Variants in OSBP2 observed in about 807,000 individuals in gnomAD.
OSBP2 encodes oxysterol binding protein 2, also known as oxysterol-binding protein 2.
OSBP2 carries 66 observed loss-of-function variants against 96.0 expected under a neutral mutation model. The observed-to-expected ratio is 0.69, with a 90% CI of 0.56 to 0.84. The LOEUF (loss-of-function observed/expected upper bound fraction) is 0.84, where lower values mean the gene tolerates loss of function less well. Ranked by LOEUF, OSBP2 falls within the 40% of genes least tolerant of loss-of-function variation. The pLI is 0.00. For synonymous variants in OSBP2, 525 were observed against 520.9 expected, an observed-to-expected ratio of 1.01 and a Z score of -0.11; for missense variants, 1,038 against 1,222.7, an observed-to-expected ratio of 0.85 and a Z score of 2.25.
chr22:30,699,133 CA>C (rs1414076349), intron 1 of OSBP2, among the ~76,000 whole-genome samples: 2 of 151,878 alleles, frequency 1.3e-5, no homozygotes, highest in African/African-American at 4.8e-5. Flanking sequence ...TTAGTAGACA[CA>C]AGGTTTCGTT....
intron 2 of OSBP2, among the ~76,000 whole-genome samples, chr22:30,775,041 A>G (rs1252604753): frequency 6.6e-6 from 1 of 152,122 alleles, no homozygotes; most frequent in African/African-American, 2.4e-5. Context: ...CCCCATTATT[A>G]CTATTTTAAT....
intron 8 of OSBP2, among the ~76,000 whole-genome samples, chr22:30,892,622 G>A (rs571669375): frequency 3.9e-5 from 6 of 152,244 alleles, no homozygotes; most frequent in Admixed American, 1.3e-4. Context: ...GGCCGGGCCC[G>A]GGGCAGTGCA....
intron 2 of OSBP2, among the ~76,000 whole-genome samples, chr22:30,809,274 C>A (rs1305423125): frequency 6.6e-6 from 1 of 152,194 alleles, no homozygotes; most frequent in African/African-American, 2.4e-5. Flanking sequence ...GACTCCTTCC[C>A]AGCCCAGGTG....
intron 1 of OSBP2, among the ~76,000 whole-genome samples, chr22:30,731,809 T>C (rs1336405893): frequency 6.6e-6 from 1 of 152,058 alleles, no homozygotes; most frequent in Non-Finnish European, 1.5e-5. Flanking sequence ...AGCAAGAAGG[T>C]TGTGAAACAA....
At chr22:30,794,262 A>AT (rs136291) in intron 2 of OSBP2, among the ~76,000 whole-genome samples, 23,768 of 134,854 alleles carry the variant, frequency 0.18, 2,126 homozygotes, top group East Asian at 0.21. Flanking sequence ...TCCTCTATTC[A>AT]TTTTTTTTTT....
chr22:30,819,827 C>T (rs913052585), intron 2 of OSBP2, among the ~76,000 whole-genome samples: 2 of 152,126 alleles, frequency 1.3e-5, no homozygotes, highest in Admixed American at 6.6e-5. Context: ...AGTGAATAGA[C>T]AGTGGGGCTA....
intron 1 of OSBP2, among the ~76,000 whole-genome samples, chr22:30,711,738 T>G (rs1410064524): frequency 2.2e-5 from 2 of 90,630 alleles, no homozygotes; most frequent in Non-Finnish European, 4.5e-5. Context: ...AGACCCTATC[T>G]CAAAAAAAAA....
intron 2 of OSBP2, among the ~76,000 whole-genome samples, chr22:30,861,718 C>A (rs954437173): frequency 6.6e-6 from 1 of 152,080 alleles, no homozygotes; most frequent in Non-Finnish European, 1.5e-5. Context: ...TGTGGCAGAA[C>A]CCCCACAGGG....
rs936373218 is a variant in OSBP2 at position 30,905,715 on chromosome 22, A to G, written c.2376-122A>G. The G allele has an allele frequency of 2.8e-6, 4 of 1,415,680 alleles. No individual in the cohort carries two copies. The African/African-American group carries it at 5.9e-5, about 21-fold the overall frequency. The allele number at this position is 1,415,680 out of a possible 1,614,324, so 87.7% of individuals were successfully genotyped here. ...GGCCCAAGGCCAGAGGGAGTCCTGG[A>G]CGCGGGGAGCTGGAGGGTGAGGCGA... On this transcript the variant is annotated intron_variant, in intron 12 of 13. Coordinates refer to ENST00000332585, the MANE Select transcript of OSBP2 (RefSeq NM_030758.4).
At chr22:30,730,721 T>A (rs1398489596) in intron 1 of OSBP2, among the ~76,000 whole-genome samples, 268 of 11,870 alleles carry the variant, frequency 0.023, no homozygotes, top group African/African-American at 0.069. Context: ...GCCCTGTCTC[T>A]CTCTCTCTCT....
intron 2 of OSBP2, among the ~76,000 whole-genome samples, chr22:30,847,441 C>T (rs1053421103): frequency 3.9e-5 from 6 of 151,976 alleles, no homozygotes; most frequent in African/African-American, 1.5e-4. Context: ...ACCACCACGC[C>T]TGGCTAATTT....
At chr22:30,819,478 G>T (rs1472094661) in intron 2 of OSBP2, among the ~76,000 whole-genome samples, 1 of 152,216 alleles carries the variant, frequency 6.6e-6, no homozygotes, top group Non-Finnish European at 1.5e-5. Context: ...GTCATCTTAG[G>T]CTCAGTCTCT....
intron 2 of OSBP2, among the ~76,000 whole-genome samples, chr22:30,749,521 A>G (rs1212600157): frequency 6.6e-6 from 1 of 152,182 alleles, no homozygotes; most frequent in Non-Finnish European, 1.5e-5. Flanking sequence ...ATTTGGCCGG[A>G]GAAAGGAAGA....
intron 2 of OSBP2, among the ~76,000 whole-genome samples, chr22:30,832,111 C>T (rs770229303): frequency 6.6e-6 from 1 of 152,028 alleles, no homozygotes; most frequent in Non-Finnish European, 1.5e-5. Flanking sequence ...CCAGTATGAG[C>T]CTTCATCTTT....
chr22:30,877,450 C>T (rs567743047), intron 3 of OSBP2, among the ~76,000 whole-genome samples: 8 of 152,292 alleles, frequency 5.3e-5, no homozygotes, highest in Admixed American at 3.3e-4. Flanking sequence ...CTCATAGCAG[C>T]GTCCTCCCTG....
rs955232660 is a variant in OSBP2, at chr22:30,907,126, AG to A, written c.*790del. 1.3e-5 allele frequency: 2 copies of A among 152,690 alleles called. No individual in the cohort carries two copies. Among genetic ancestry groups the A allele is most frequent in the Non-Finnish European group, 2.9e-5 (2 of 68,098 alleles). 9.5% of individuals were successfully genotyped at this position (152,690 alleles called of 1,614,324 possible). ...GCTCCCTAGCCCCAAGAGGCCAGGA[AG>A]GGCTGGAAGGCAGGGCCTGCAGGTG... On this transcript the variant is annotated 3_prime_UTR_variant, in exon 14 of 14. Coordinates refer to ENST00000332585, the MANE Select transcript of OSBP2 (RefSeq NM_030758.4).
Position 30,870,628 on chromosome 22 carries a change from G to A in OSBP2, c.1053G>A (p.Lys351=), listed in dbSNP as rs768238887. Residue 351 remains lysine (K), a synonymous_variant, in exon 3 of 14, where the codon AAG becomes AAA. Transcript: ENST00000332585. This position sits in a 1 kb window ranked among gnomAD's most constrained non-coding sequence, Gnocchi z 4.1. ...CATCTGAGAGTGGGGAGAAGCTGAA[G>A]GTGGTGAATGAGCGGGCCACCCTCT... The part of the protein sequence containing the change: ...KIPSESGEKL[K]VVNERATLFR... 2.5e-6 allele frequency: 4 copies of A among 1,614,052 alleles called. No homozygotes were observed. In the South Asian group the frequency reaches 4.4e-5, roughly 18 times the overall value.
At chr22:30,849,092 C>G (rs2038927146) in intron 2 of OSBP2, among the ~76,000 whole-genome samples, 2 of 151,970 alleles carry the variant, frequency 1.3e-5, no homozygotes, top group African/African-American at 2.4e-5. Context: ...CATAACAGTA[C>G]CCCATCTCTA....
At chr22:30,897,855 T>C (rs1306114534) in intron 12 of OSBP2, among the ~76,000 whole-genome samples, 1 of 149,972 alleles carries the variant, frequency 6.7e-6, no homozygotes, top group East Asian at 2.0e-4. Flanking sequence ...GAGGCTGAGG[T>C]AAGAGAATCG....
Sources: allele counts gnomAD v4.1 joint callset (sites outside exome capture counted in the v4.1 genomes callset), GRCh38; gene constraint gnomAD v4.1.1; non-coding constraint Gnocchi (gnomAD v3.1); transcripts MANE v1.5; gene names NCBI Gene and HGNC (gene_info 2026-07-23, HGNC 2026-07-21).